The following ACTR10 variants were observed in gnomAD, a reference collection of about 807,000 sequenced individuals.
ACTR10 encodes the protein actin related protein 10, also known as actin-related protein 10.
A neutral mutation model predicts 56.2 loss-of-function variants in ACTR10; 43 were observed. The observed-to-expected ratio is 0.77, with a 90% CI of 0.60 to 0.99. The LOEUF is 0.99. ACTR10 is among the 50% of genes least tolerant of loss of function. ACTR10 has a pLI of 0.00. For synonymous variants in ACTR10, 170 were observed against 176.3 expected, an observed-to-expected ratio of 0.96 and a Z score of 0.28; for missense variants, 466 against 507.8, an observed-to-expected ratio of 0.92 and a Z score of 0.79.
chr14:58,212,097 A>G (rs1338110543), intron 5 of ACTR10, among the ~76,000 whole-genome samples: 1 of 152,126 alleles, frequency 6.6e-6, no homozygotes, highest in East Asian at 1.9e-4. Context: ...GCTTTTTACT[A>G]CTTGGTCAGG....
intron 5 of ACTR10, among the ~76,000 whole-genome samples, chr14:58,211,688 T>C (rs1420053137): frequency 6.6e-6 from 1 of 152,092 alleles, no homozygotes; most frequent in East Asian, 1.9e-4. Context: ...AATAGTCAAG[T>C]TTTAAGAAAA....
At position 58,208,005 on chromosome 14, in the gene ACTR10, A is replaced by G. The variant is rs752703210; in HGVS notation, c.220A>G (p.Ile74Val). ...TTCCTACCTAAAGGAATTCATCCAC[A>G]TACTATATTTCAGGTAAGATACATT... ...LYSYLKEFIH[I>V]LYFRHLLVNP... Residue 74 changes from isoleucine (I) to valine (V), a missense_variant, in exon 3 of 13, where the codon ATA becomes GTA. Physicochemically the swap from Ile to Val is conservative, Grantham distance 29 (BLOSUM62 3). Coordinates refer to ENST00000254286, the MANE Select transcript of ACTR10 (RefSeq NM_018477.3). 7.3e-6 allele frequency: 11 copies of G among 1,510,098 alleles called. No homozygotes were observed. In the South Asian group the frequency reaches 1.3e-4, roughly 18 times the overall value. 93.5% of individuals were successfully genotyped at this position (1,510,098 alleles called of 1,614,324 possible). A position where few individuals can be genotyped will look rare whatever the true frequency, so the allele number is the denominator to read the frequency against.
rs530755431 is a variant in ACTR10 at position 58,200,596 on chromosome 14, A to G, written c.77+302A>G. Among the ~76,000 whole-genome samples, 37 of 152,240 alleles carry G rather than the reference A, an allele frequency of 2.4e-4. No individual in the cohort carries two copies. The South Asian group carries it at 4.3e-3, about 18-fold the overall frequency. ...GGGATCATCTGTGTAGGGGATGACA[A>G]CCGTGACCTAGACCCCGCTTACCCT... On this transcript the variant is annotated intron_variant, in intron 1 of 12. Coordinates refer to ENST00000254286, the MANE Select transcript of ACTR10 (RefSeq NM_018477.3).
intron 2 of ACTR10, among the ~76,000 whole-genome samples, chr14:58,206,851 A>G (rs180883829): frequency 6.6e-6 from 1 of 152,276 alleles, no homozygotes; most frequent in Admixed American, 6.5e-5. Flanking sequence ...AGCAAGCCAG[A>G]AATAGTTCTT....
At chr14:58,233,625 A>G (rs915397292) in intron 12 of ACTR10, among the ~76,000 whole-genome samples, 1 of 152,212 alleles carries the variant, frequency 6.6e-6, no homozygotes, top group African/African-American at 2.4e-5. Flanking sequence ...AAAATTATAC[A>G]TGGATTTTCA....
At position 58,234,759 on chromosome 14, in the gene ACTR10, C is replaced by T; in HGVS notation, c.*208C>T. 2.7e-6 allele frequency: 1 copy of T among 375,698 alleles called. No individual in the cohort carries two copies. The highest frequency in any genetic ancestry group is 4.6e-6 in the Non-Finnish European group (1 of 216,240). 23.3% of individuals were successfully genotyped at this position (375,698 alleles called of 1,614,324 possible). A position where few individuals can be genotyped will look rare whatever the true frequency, so the allele number is the denominator to read the frequency against. Reference sequence around the variant, plus strand: ...GGTAGCTGGTGCTTATTGAGATTTGCTGTATTTATATCAATAAAGTATAGT... The same window carrying T: ...GGTAGCTGGTGCTTATTGAGATTTGTTGTATTTATATCAATAAAGTATAGT... On this transcript the variant is annotated 3_prime_UTR_variant, in exon 13 of 13. Transcript: ENST00000254286.
At chr14:58,211,623 A>G (rs1888998577) in intron 5 of ACTR10, among the ~76,000 whole-genome samples, 1 of 152,184 alleles carries the variant, frequency 6.6e-6, no homozygotes, top group Non-Finnish European at 1.5e-5. Flanking sequence ...AGTATACCTC[A>G]TGAATATTAT....
chr14:58,232,025 C>A, intron 11 of ACTR10, 41 bp from the exon 12 acceptor site: 2 of 1,339,030 alleles, frequency 1.5e-6, no homozygotes, highest in Non-Finnish European at 2.1e-6. Context: ...ATTATTTGTA[C>A]AGTTCAGAAT....
At chr14:58,228,655 T>G (rs1889457522) in intron 10 of ACTR10, among the ~76,000 whole-genome samples, 1 of 144,768 alleles carries the variant, frequency 6.9e-6, no homozygotes. Context: ...TGACTGGTAC[T>G]TAACTACATC....
Position 58,234,518 on chromosome 14 carries a change from T to G in ACTR10, c.1221T>G (p.Pro407=). The part of the protein sequence containing the change: ...MMFDVGKTQP[P]LMKRAFSTEK ...TTGATGTCGGGAAAACTCAACCACC[T>G]CTGATGAAGAGAGCATTTTCCACTG... is the stretch of plus-strand genomic sequence containing the variant. The change falls in exon 13 of 13, where the codon CCT becomes CCG. Residue 407 remains proline, a synonymous_variant. Transcript: ENST00000254286. The G allele has an allele frequency of 6.2e-7, 1 of 1,612,610 alleles. No homozygotes were observed. Among genetic ancestry groups the G allele is most frequent in the Non-Finnish European group, 8.5e-7 (1 of 1,179,468 alleles).
At chr14:58,210,824 G>A (rs1888975010) in intron 4 of ACTR10, among the ~76,000 whole-genome samples, 1 of 151,982 alleles carries the variant, frequency 6.6e-6, no homozygotes, top group Non-Finnish European at 1.5e-5. Context: ...ACAGGCAGAT[G>A]CCACAACACC....
chr14:58,224,944 G>A (rs1292515372), intron 10 of ACTR10, among the ~76,000 whole-genome samples: 3 of 150,446 alleles, frequency 2.0e-5, no homozygotes, highest in East Asian at 2.0e-4. Context: ...AGCCGACATC[G>A]CACCATTGCA....
chr14:58,224,314 T>C, intron 10 of ACTR10, among the ~76,000 whole-genome samples: 1 of 152,112 alleles, frequency 6.6e-6, no homozygotes, highest in Non-Finnish European at 1.5e-5. Flanking sequence ...TTCAGCTTTT[T>C]AAATTTTTAA....
chr14:58,206,306 G>T (rs1888861880), intron 2 of ACTR10, among the ~76,000 whole-genome samples: 1 of 151,228 alleles, frequency 6.6e-6, no homozygotes. Flanking sequence ...CTCCCAAGTA[G>T]CTGGAATTAC....
chr14:58,233,933 A>G (rs1029590458), intron 12 of ACTR10, among the ~76,000 whole-genome samples: 6 of 152,200 alleles, frequency 3.9e-5, no homozygotes, highest in African/African-American at 1.4e-4. Context: ...GTGGGTCTTA[A>G]TAAGGTCTTC....
At chr14:58,222,579 ATATGGCGAAACCCTGTC>A (rs1275255826) in intron 8 of ACTR10, among the ~76,000 whole-genome samples, 1 of 152,150 alleles carries the variant, frequency 6.6e-6, no homozygotes, top group Non-Finnish European at 1.5e-5. Flanking sequence ...AGCCTGACCA[ATATGGCGAAACCCTGTC>A]TCTACTAAAA....
At chr14:58,203,144 A>C (rs969948784) in intron 2 of ACTR10, among the ~76,000 whole-genome samples, 3 of 152,018 alleles carry the variant, frequency 2.0e-5, no homozygotes, top group Admixed American at 6.6e-5. Context: ...TCAACTAAAA[A>C]TACAAAAATT....
At position 58,231,002 on chromosome 14, in the gene ACTR10, C is replaced by T. The variant is rs1889518372; in HGVS notation, c.870+522C>T. On this transcript the variant is annotated intron_variant, in intron 11 of 12. Transcript: ENST00000254286. ...TTGAACTCCTGACCTTGTGATCCGC[C>T]CGCCTCGGCCTCCCAAAGTGCTGGG... is the stretch of plus-strand genomic sequence containing the variant. 5 of 261,060 alleles carry T rather than the reference C, an allele frequency of 1.9e-5. 1 individual carries two copies. The highest frequency in any genetic ancestry group is 1.6e-4 in the South Asian group (5 of 31,102). The allele number at this position is 261,060 out of a possible 1,614,324, so 16.2% of individuals were successfully genotyped here.
intron 12 of ACTR10, among the ~76,000 whole-genome samples, chr14:58,233,197 T>G (rs774414062): frequency 5.9e-5 from 9 of 152,176 alleles, no homozygotes; most frequent in Non-Finnish European, 1.2e-4. Flanking sequence ...ATGTTCATTT[T>G]AATGTCTTCT....
Sources: gnomAD v4.1 joint callset for allele counts (sites outside exome capture counted in the v4.1 genomes callset) on GRCh38, gnomAD v4.1.1 for gene constraint, MANE v1.5 for transcripts, NCBI Gene and HGNC (gene_info 2026-07-23, HGNC 2026-07-21) for gene names.